The following NAV3 variants were observed in gnomAD, a reference collection of about 807,000 sequenced individuals.
The protein encoded by NAV3 is neuron navigator 3.
Under a neutral mutation model 244.7 loss-of-function variants are expected in NAV3, and 87 were observed. That is an observed-to-expected ratio of 0.36 (90% confidence interval 0.30 to 0.42). The LOEUF is 0.42. Ranked by LOEUF, NAV3 falls within the 20% of genes least tolerant of loss-of-function variation. The pLI is 1.00. For missense variants in NAV3, 2,663 were observed against 2,893.3 expected, an observed-to-expected ratio of 0.92 and a Z score of 1.83; for synonymous variants, 1,126 against 1,042.2, an observed-to-expected ratio of 1.08 and a Z score of -1.55.
At chr12:78,135,436 G>T (rs1412437716) in intron 18 of NAV3, among the ~76,000 whole-genome samples, 1 of 152,158 alleles carries the variant, frequency 6.6e-6, no homozygotes, top group Non-Finnish European at 1.5e-5. Flanking sequence ...GTTTCATCTT[G>T]ATAGAGCTAA....
intron 12 of NAV3, among the ~76,000 whole-genome samples, chr12:78,115,648 G>A (rs1254168014): frequency 2.0e-5 from 3 of 152,196 alleles, no homozygotes; most frequent in Non-Finnish European, 2.9e-5. Flanking sequence ...TATTACTGTG[G>A]TCCAATAAGA....
intron 12 of NAV3, among the ~76,000 whole-genome samples, chr12:78,095,062 TATAC>T (rs1238215319): frequency 5.4e-4 from 60 of 111,768 alleles, no homozygotes; most frequent in Non-Finnish European, 9.6e-4. Flanking sequence ...TATATATATA[TATAC>T]ACACACACAC....
intron 1 of NAV3, among the ~76,000 whole-genome samples, chr12:77,873,332 G>T (rs1881271568): frequency 1.3e-5 from 2 of 152,104 alleles, no homozygotes; most frequent in South Asian, 4.1e-4. Flanking sequence ...TTTAATATAT[G>T]TGAAGATAAA....
At chr12:77,976,010 T>C (rs11107632) in intron 5 of NAV3, among the ~76,000 whole-genome samples, 56,901 of 152,010 alleles carry the variant, frequency 0.37, 11,429 homozygotes, top group South Asian at 0.44. Flanking sequence ...AGACTTGTAA[T>C]GAAATTGGTA....
rs147435433 is a variant in NAV3, at chr12:78,206,351, T to C, written c.7038+1213T>C. Among the ~76,000 whole-genome samples, 525 of 152,284 alleles carry C rather than the reference T, an allele frequency of 3.4e-3. 5 individuals are homozygous for C. The highest frequency in any genetic ancestry group is 0.011 in the African/African-American group (454 of 41,566). On this transcript the variant is annotated intron_variant, in intron 39 of 39. Coordinates refer to ENST00000397909, the MANE Select transcript of NAV3 (RefSeq NM_001024383.2). ...ATTCAGCATAATTGTGAGCATATAC[T>C]AAATAATTGCTGATAGAATGATTAA...
At chr12:78,033,465 A>G (rs1355637554) in intron 9 of NAV3, among the ~76,000 whole-genome samples, 4 of 152,062 alleles carry the variant, frequency 2.6e-5, no homozygotes, top group Non-Finnish European at 5.9e-5. Flanking sequence ...TTTGCACTGC[A>G]CCTTCCTCCT....
rs748531378 is a variant in NAV3, at chr12:77,766,735, G to GTTTTTTTTTT, written c.73-173557_73-173548dup. Among the ~76,000 whole-genome samples the GTTTTTTTTTT allele has an allele frequency of 9.8e-4, 59 of 60,498 alleles. 1 individual carries two copies. Among genetic ancestry groups the GTTTTTTTTTT allele is most frequent in the African/African-American group, 2.1e-3 (34 of 15,832 alleles). The allele number at this position is 60,498 out of a possible 152,430, so 39.7% of individuals were successfully genotyped here. ...AGGATTCTAAAAAACAGGCAATTAA[G>GTTTTTTTTTT]TTTTTTTTTTTTTTTTTTTTTTTTT... is the stretch of plus-strand genomic sequence containing the variant. On this transcript the variant is annotated intron_variant, in intron 2 of 8. Coordinates refer to the NAV3 transcript ENST00000550042.
chr12:77,640,359 A>G (rs2136950426), intron 2 of NAV3, among the ~76,000 whole-genome samples: 1 of 152,238 alleles, frequency 6.6e-6, no homozygotes, highest in East Asian at 1.9e-4. Context: ...AATAAAGCAA[A>G]ACTTTCTTTA....
At chr12:77,896,631 T>C (rs1342511372) in intron 1 of NAV3, among the ~76,000 whole-genome samples, 1 of 152,216 alleles carries the variant, frequency 6.6e-6, no homozygotes, top group Admixed American at 6.5e-5. Flanking sequence ...AATTGCATTA[T>C]GAATAGCAAA....
intron 2 of NAV3, among the ~76,000 whole-genome samples, chr12:77,654,730 A>C (rs1873003567): frequency 6.6e-6 from 1 of 152,124 alleles, no homozygotes; most frequent in African/African-American, 2.4e-5. Flanking sequence ...CTGACACCTC[A>C]CATGGCCGGG....
intron 2 of NAV3, among the ~76,000 whole-genome samples, chr12:77,676,087 A>AT (rs113664801): frequency 6.7e-4 from 101 of 151,220 alleles, no homozygotes; most frequent in African/African-American, 2.1e-3. Context: ...TTTTTTTTAA[A>AT]TTTTTTTTTA....
chr12:77,923,578 C>A (rs1322089480), intron 1 of NAV3, among the ~76,000 whole-genome samples: 3 of 151,978 alleles, frequency 2.0e-5, no homozygotes, highest in Non-Finnish European at 4.4e-5. Context: ...CTGTATATAC[C>A]TCAAATGAGT....
intron 12 of NAV3, among the ~76,000 whole-genome samples, chr12:78,112,250 T>G (rs1438415132): frequency 6.6e-6 from 1 of 152,226 alleles, no homozygotes; most frequent in East Asian, 1.9e-4. Context: ...TTTTTCTCAT[T>G]TGTGACCTCT....
intron 2 of NAV3, among the ~76,000 whole-genome samples, chr12:77,726,201 T>C (rs1876870118): frequency 6.6e-6 from 1 of 151,948 alleles, no homozygotes; most frequent in South Asian, 2.1e-4. Context: ...TGAAATACTA[T>C]GTGTGTAATT....
chr12:77,573,158 G>A (rs17188159), intron 2 of NAV3, among the ~76,000 whole-genome samples: 23,638 of 152,142 alleles, frequency 0.16, 2,310 homozygotes, highest in Admixed American at 0.23. Context: ...GGATCTAAGG[G>A]CCATAATTAA....
At chr12:77,656,363 G>A (rs1444314797) in intron 2 of NAV3, among the ~76,000 whole-genome samples, 1 of 124,994 alleles carries the variant, frequency 8.0e-6, no homozygotes, top group Non-Finnish European at 1.6e-5. Flanking sequence ...GACAAAGAAG[G>A]CCATTACATA....
chr12:78,164,436 C>A (rs1184605273), intron 23 of NAV3, among the ~76,000 whole-genome samples: 3 of 151,966 alleles, frequency 2.0e-5, no homozygotes, highest in African/African-American at 4.8e-5. Flanking sequence ...GAAACCAAAT[C>A]TTTGAAAATA....
chr12:77,596,581 AT>A (rs1207677419), intron 2 of NAV3, among the ~76,000 whole-genome samples: 1 of 152,150 alleles, frequency 6.6e-6, no homozygotes, highest in African/African-American at 2.4e-5. Flanking sequence ...ATATATTTTT[AT>A]TTTAAAATAA....
intron 12 of NAV3, among the ~76,000 whole-genome samples, chr12:78,067,650 G>C (rs1395249223): frequency 6.6e-6 from 1 of 151,990 alleles, no homozygotes; most frequent in Non-Finnish European, 1.5e-5. Context: ...TTATTCAAGA[G>C]TCTTATATTA....
Sources: allele counts gnomAD v4.1 joint callset (sites outside exome capture counted in the v4.1 genomes callset), GRCh38; gene constraint gnomAD v4.1.1; transcripts MANE v1.5; gene names NCBI Gene and HGNC (gene_info 2026-07-23, HGNC 2026-07-21).